The following ARHGEF28 variants were observed in gnomAD, a reference collection of about 807,000 sequenced individuals.
The protein encoded by ARHGEF28 is Rho guanine nucleotide exchange factor 28.
In ARHGEF28, 152 loss-of-function variants were observed where a neutral mutation model predicts 206.6. The observed-to-expected ratio is 0.74, with a 90% CI of 0.64 to 0.84. The LOEUF (loss-of-function observed/expected upper bound fraction) is 0.84. Ranked by LOEUF, ARHGEF28 falls within the 40% of genes least tolerant of loss-of-function variation. The probability of loss-of-function intolerance (pLI) is 0.00; values close to 1 mark genes in which losing one functional copy is unlikely to be tolerated. For missense variants in ARHGEF28, 2,028 were observed against 2,073.2 expected (o/e 0.98, Z 0.42); for synonymous variants, 763 against 776.4 (o/e 0.98, Z 0.29).
Position 73,753,166 on chromosome 5 carries a change from C to G in ARHGEF28, c.439C>G (p.Leu147Val). Reference protein sequence around the residue: ...VLALTHLELPLEWTVLGSSSL... With the variant: ...VLALTHLELPVEWTVLGSSSL... ...GGCTCTGACCCATCTGGAATTGCCT[C>G]TAGAGTGGACTGTGTTGGGAAGTTC... The change falls in exon 4 of 36, where the codon CTA (leucine) becomes GTA (valine). Residue 147 changes from leucine to valine, a missense_variant. Physicochemically the swap from Leu to Val is conservative, Grantham distance 32. Transcript: ENST00000513042. 1.9e-6 allele frequency: 3 copies of G among 1,539,318 alleles called. No individual in the cohort carries two copies. Among genetic ancestry groups the G allele is most frequent in the Admixed American group, 2.1e-5 (1 of 48,278 alleles).
At chr5:73,813,174 A>T (rs2112522063) in intron 9 of ARHGEF28, among the ~76,000 whole-genome samples, 1 of 152,236 alleles carries the variant, frequency 6.6e-6, no homozygotes, top group South Asian at 2.1e-4. Flanking sequence ...ACAAGCCTGC[A>T]CTGGGAGGCT....
chr5:73,650,602 T>C (rs1744752126), intron 1 of ARHGEF28, among the ~76,000 whole-genome samples: 1 of 152,032 alleles, frequency 6.6e-6, no homozygotes, highest in African/African-American at 2.4e-5. Flanking sequence ...TTTCTAATGA[T>C]GGAAATTACC....
chr5:73,865,079 T>C (rs901894214), intron 17 of ARHGEF28, among the ~76,000 whole-genome samples: 1 of 152,202 alleles, frequency 6.6e-6, no homozygotes, highest in African/African-American at 2.4e-5. Context: ...GATATTTGTG[T>C]TATATGCTGT....
chr5:73,647,304 C>A (rs767591252), intron 1 of ARHGEF28, among the ~76,000 whole-genome samples: 78 of 152,226 alleles, frequency 5.1e-4, no homozygotes, highest in Non-Finnish European at 7.6e-4. Context: ...GTCCTATCCC[C>A]AAGATATCTC....
chr5:73,675,245 A>C (rs989207281), intron 1 of ARHGEF28, among the ~76,000 whole-genome samples: 2 of 152,196 alleles, frequency 1.3e-5, no homozygotes, highest in African/African-American at 4.8e-5. Flanking sequence ...TTCAACAAGC[A>C]AGGAAATTCC....
Position 73,840,524 on chromosome 5 carries a change from T to C in ARHGEF28, c.1191T>C (p.Thr397=). ...GCTATATTAATATAGAGGGAATCACTGCCACTACCAGCCCTGAATCCAGAG... is the reference window on the plus strand; with the variant it reads ...GCTATATTAATATAGAGGGAATCACCGCCACTACCAGCCCTGAATCCAGAG... The part of the protein sequence containing the change: ...DISYINIEGI[T]ATTSPESRGC... Residue 397 remains threonine (T), a synonymous_variant, in exon 11 of 36, where the codon ACT becomes ACC. Coordinates refer to ENST00000513042, the MANE Select transcript of ARHGEF28 (RefSeq NM_001177693.2). 6.2e-7 allele frequency: 1 copy of C among 1,613,962 alleles called. No homozygotes were observed. Among genetic ancestry groups the C allele is most frequent in the East Asian group, 2.2e-5 (1 of 44,888 alleles).
In ARHGEF28 at chr5:73,868,191, G is replaced by T. The variant is rs1326187558; in HGVS notation, c.2389G>T (p.Gly797Cys). Residue 797 changes from glycine to cysteine, a missense_variant, in exon 20 of 36, where the codon GGC (glycine) becomes TGC (cysteine). This residue lies in a region of ARHGEF28 where 1,002 missense variants were observed against 1,015.3 expected (regional missense o/e 0.99). Coordinates refer to ENST00000513042, the MANE Select transcript of ARHGEF28 (RefSeq NM_001177693.2). ...SHSDELLQSM[G>C]SSPSTESFIM... ...TTCTGATGAGCTGCTACAGTCCATGGGCTCTTCTCCCTCTACAGAGTCTTT... is the reference window on the plus strand; with the variant it reads ...TTCTGATGAGCTGCTACAGTCCATGTGCTCTTCTCCCTCTACAGAGTCTTT... 1.9e-6 allele frequency: 3 copies of T among 1,597,306 alleles called. No homozygotes were observed. The African/African-American group carries it at 4.0e-5, about 21-fold the overall frequency.
At chr5:73,876,652 G>T (rs1244917089) in intron 22 of ARHGEF28, among the ~76,000 whole-genome samples, 59 of 150,394 alleles carry the variant, frequency 3.9e-4, no homozygotes, top group African/African-American at 1.3e-3. Flanking sequence ...TTTTGTCAAA[G>T]GCCTTTTCTG....
intron 14 of ARHGEF28, among the ~76,000 whole-genome samples, chr5:73,853,520 G>A (rs1211110898): frequency 6.6e-6 from 1 of 152,040 alleles, no homozygotes; most frequent in African/African-American, 2.4e-5. Flanking sequence ...GTATTAATAA[G>A]AAAAAGCCTC....
chr5:73,838,826 T>C (rs139862545), intron 10 of ARHGEF28, among the ~76,000 whole-genome samples: 94 of 152,330 alleles, frequency 6.2e-4, no homozygotes, highest in African/African-American at 2.1e-3. Flanking sequence ...GATACAATGC[T>C]ATTAGCTATC....
intron 35 of ARHGEF28, among the ~76,000 whole-genome samples, chr5:73,917,954 CT>C (rs1763304097): frequency 6.6e-6 from 1 of 152,122 alleles, no homozygotes; most frequent in Non-Finnish European, 1.5e-5. Context: ...AAGGATGAGG[CT>C]TGCTGCCTTC....
intron 2 of ARHGEF28, among the ~76,000 whole-genome samples, chr5:73,701,955 T>C (rs1211969288): frequency 6.6e-6 from 1 of 152,216 alleles, no homozygotes; most frequent in East Asian, 1.9e-4. Flanking sequence ...GACAATTGTA[T>C]ATAGGTTTTT....
chr5:73,851,874 C>G (rs1758725805), intron 13 of ARHGEF28, among the ~76,000 whole-genome samples: 1 of 152,064 alleles, frequency 6.6e-6, no homozygotes, highest in Non-Finnish European at 1.5e-5. Flanking sequence ...TGTTTTCCTC[C>G]TTATGTATCA....
intron 7 of ARHGEF28, among the ~76,000 whole-genome samples, chr5:73,784,679 T>G (rs2112467958): frequency 6.6e-6 from 1 of 152,282 alleles, no homozygotes; most frequent in East Asian, 1.9e-4. Context: ...AGTTCCAAGA[T>G]CTCTAGTGGA....
At chr5:73,917,487 C>G (rs1392233015) in intron 35 of ARHGEF28, among the ~76,000 whole-genome samples, 1 of 152,198 alleles carries the variant, frequency 6.6e-6, no homozygotes. Context: ...GCTTGTAGAG[C>G]CTGGTGAGCC....
chr5:73,846,396 CTTT>C lies in ARHGEF28; in HGVS notation c.1558_1560del (p.Phe520del). On this transcript the variant is annotated inframe_deletion, in exon 12 of 36. Coordinates refer to ENST00000513042, the MANE Select transcript of ARHGEF28 (RefSeq NM_001177693.2). ...ATTCCTAGTGGGGATGAATTGGACT[CTTT>C]TGAGACTAACACTGAACCGGATTTT... 1 of 1,613,958 alleles carries C rather than the reference CTTT, an allele frequency of 6.2e-7. No individual in the cohort carries two copies. Among genetic ancestry groups the C allele is most frequent in the Non-Finnish European group, 8.5e-7 (1 of 1,179,856 alleles).
chr5:73,679,381 A>G (rs149160351), intron 1 of ARHGEF28, among the ~76,000 whole-genome samples: 1,541 of 152,316 alleles, frequency 0.01, 27 homozygotes, highest in African/African-American at 0.034. Context: ...AGCCTGGCCA[A>G]CATGGCAAAA....
intron 22 of ARHGEF28, among the ~76,000 whole-genome samples, chr5:73,878,489 C>G (rs976497817): frequency 1.1e-4 from 16 of 151,512 alleles, no homozygotes; most frequent in African/African-American, 2.9e-4. Flanking sequence ...GGTTATTTGC[C>G]TCGTTAGTTG....
intron 1 of ARHGEF28, among the ~76,000 whole-genome samples, chr5:73,681,995 G>C (rs762534346): frequency 1.3e-5 from 2 of 152,074 alleles, no homozygotes; most frequent in African/African-American, 4.8e-5. Flanking sequence ...GAAGCAAGAG[G>C]ATTGCTTGAG....
Sources: allele counts gnomAD v4.1 joint callset (sites outside exome capture counted in the v4.1 genomes callset), GRCh38; gene constraint gnomAD v4.1.1; regional missense constraint gnomAD v4.1.1; transcripts MANE v1.5; gene names NCBI Gene and HGNC (gene_info 2026-07-23, HGNC 2026-07-21).